HMGCS1: variants seen among roughly 807,000 people sequenced by gnomAD.
HMGCS1 encodes hydroxymethylglutaryl-CoA synthase, cytoplasmic.
HMGCS1 carries 9 observed loss-of-function variants against 52.3 expected under a neutral mutation model. The ratio of observed to expected loss-of-function variants is 0.17; its 90% CI spans 0.10 to 0.30. The LOEUF (loss-of-function observed/expected upper bound fraction) is 0.30, where lower values mean the gene tolerates loss of function less well. Ranked by LOEUF, HMGCS1 falls within the 10% of genes least tolerant of loss-of-function variation. The pLI, the probability that HMGCS1 is intolerant of heterozygous loss-of-function variation, is 1.00. For synonymous variants in HMGCS1, 176 were observed against 214.4 expected (o/e 0.82, Z 1.57); for missense variants, 320 against 620.9 (o/e 0.52, Z 5.15).
intron 8 of HMGCS1, chr5:43,293,726 T>C (rs1047784026): frequency 8.7e-5 from 15 of 172,992 alleles, no homozygotes; most frequent in Non-Finnish European, 1.7e-4. Flanking sequence ...TTTTTTTTTT[T>C]TTTTTTTGAC....
At position 43,294,723 on chromosome 5, in the gene HMGCS1, T is replaced by C; in HGVS notation, c.1044A>G (p.Ser348=). 1.2e-6 allele frequency: 2 copies of C among 1,611,792 alleles called. No individual in the cohort carries two copies. Among genetic ancestry groups the C allele is most frequent in the African/African-American group, 1.3e-5 (1 of 75,018 alleles). Residue 348 remains serine, a synonymous_variant, in exon 7 of 11, where the codon TCA becomes TCG. Coordinates refer to ENST00000325110, the MANE Select transcript of HMGCS1 (RefSeq NM_001098272.3). The part of the protein sequence containing the change: ...SNQNGNMYTS[S]VYGSLASVLA... ...GAACAGATGCAAGGGAACCATATAC[T>C]GAAGATGTGTACATATTTCCATTTT...
At chr5:43,303,927 T>G (rs1415444990) in intron 2 of HMGCS1, among the ~76,000 whole-genome samples, 1 of 152,240 alleles carries the variant, frequency 6.6e-6, no homozygotes, top group Admixed American at 6.5e-5. Context: ...ACAACTCAGA[T>G]GGAGGACTAC....
Position 43,292,650 on chromosome 5 carries a change from G to A in HMGCS1, c.1310-13C>T, listed in dbSNP as rs759059766. ...GGAATATAGTTGACTAAAGGAAAGGGAGAGAATATCTACAATTAGTTATGA... is the reference window on the plus strand; with the variant it reads ...GGAATATAGTTGACTAAAGGAAAGGAAGAGAATATCTACAATTAGTTATGA... On this transcript the variant is annotated splice_polypyrimidine_tract_variant and intron_variant, in intron 9 of 10. Transcript: ENST00000325110. The A allele has an allele frequency of 5.6e-6, 9 of 1,603,116 alleles. No individual in the cohort carries two copies. The South Asian group carries it at 9.9e-5, about 18-fold the overall frequency.
In HMGCS1 at chr5:43,291,236, A is replaced by T; in HGVS notation, c.1474-16T>A. 1 of 1,484,804 alleles carries T rather than the reference A, an allele frequency of 6.7e-7. No homozygotes were observed. Among genetic ancestry groups the T allele is most frequent in the Non-Finnish European group, 9.4e-7 (1 of 1,062,066 alleles). 92.0% of individuals were successfully genotyped at this position (1,484,804 alleles called of 1,614,324 possible). A position where few individuals can be genotyped will look rare whatever the true frequency, so the allele number is the denominator to read the frequency against. On this transcript the variant is annotated splice_polypyrimidine_tract_variant and intron_variant, in intron 10 of 10. Coordinates refer to ENST00000325110, the MANE Select transcript of HMGCS1 (RefSeq NM_001098272.3). ...TTGGAATATGCTAAAATGAAAGGAA[A>T]AAAGTTGATGGCTCTTATGATTCTT...
intron 1 of HMGCS1, among the ~76,000 whole-genome samples, chr5:43,309,793 AG>A (rs1206698127): frequency 6.6e-6 from 1 of 152,256 alleles, no homozygotes; most frequent in African/African-American, 2.4e-5. Flanking sequence ...GTAGCCAGGC[AG>A]GTTACCACAA....
chr5:43,312,099 C>G (rs750006922), intron 1 of HMGCS1, among the ~76,000 whole-genome samples: 15 of 152,170 alleles, frequency 9.9e-5, no homozygotes, highest in Non-Finnish European at 1.6e-4. Flanking sequence ...ACTACTGACA[C>G]GGATAATGTT....
chr5:43,294,596 A>C, intron 7 of HMGCS1, 95 bp downstream of exon 7: 1 of 892,598 alleles, frequency 1.1e-6, no homozygotes, highest in Non-Finnish European at 1.7e-6. Context: ...ATTTTCTGTG[A>C]TCTACCACCA....
At chr5:43,305,741 C>G (rs1306947042) in intron 2 of HMGCS1, among the ~76,000 whole-genome samples, 1 of 147,348 alleles carries the variant, frequency 6.8e-6, no homozygotes, top group East Asian at 2.0e-4. Context: ...AAGATCGTGC[C>G]ACTGCACTCC....
At chr5:43,310,588 C>G (rs1554020797) in intron 1 of HMGCS1, among the ~76,000 whole-genome samples, 2 of 152,156 alleles carry the variant, frequency 1.3e-5, no homozygotes, top group Non-Finnish European at 1.5e-5. Context: ...AGATTTAATA[C>G]TTGTAGCAGC....
At position 43,299,408 on chromosome 5, in the gene HMGCS1, G is replaced by C. The variant is rs560153733; in HGVS notation, c.-10-433C>G. Among the ~76,000 whole-genome samples the C allele has an allele frequency of 9.9e-5, 15 of 151,590 alleles. No homozygotes were observed. The East Asian group carries it at 1.9e-3, about 20-fold the overall frequency. Reference sequence around the variant, plus strand: ...CTCATGCCTGTAATCTCAGCACTTTGGGAGGCTGAGGCAGGCGGATCACAA... The same window carrying C: ...CTCATGCCTGTAATCTCAGCACTTTCGGAGGCTGAGGCAGGCGGATCACAA... On this transcript the variant is annotated intron_variant, in intron 2 of 10. Transcript: ENST00000325110.
intron 5 of HMGCS1, among the ~76,000 whole-genome samples, chr5:43,296,145 C>T (rs1754021575): frequency 1.3e-5 from 2 of 151,942 alleles, no homozygotes; most frequent in Non-Finnish European, 2.9e-5. Flanking sequence ...TACACATTAG[C>T]AGGTTACATA....
chr5:43,305,290 T>C (rs1327735860), intron 2 of HMGCS1, among the ~76,000 whole-genome samples: 4 of 152,096 alleles, frequency 2.6e-5, no homozygotes, highest in African/African-American at 9.7e-5. Context: ...CCAGCAAATG[T>C]TACTTTTAAC....
intron 1 of HMGCS1, 81 bp downstream of exon 1, chr5:43,313,275 A>AGGACACCGCCTCTGTCTGGC (rs1754970711): frequency 1.3e-5 from 2 of 152,736 alleles, no homozygotes; most frequent in Non-Finnish European, 2.9e-5. Flanking sequence ...GGCCTAGTCA[A>AGGACACCGCCTCTGTCTGGC]GGACACCGCC....
chr5:43,313,153 G>A (rs995932961), intron 1 of HMGCS1: 1 of 152,422 alleles, frequency 6.6e-6, no homozygotes, highest in African/African-American at 2.4e-5. Context: ...GATCCGCTAC[G>A]GTCGGCCTCA....
At chr5:43,303,760 C>G (rs1041971382) in intron 2 of HMGCS1, among the ~76,000 whole-genome samples, 1 of 152,098 alleles carries the variant, frequency 6.6e-6, no homozygotes, top group African/African-American at 2.4e-5. Flanking sequence ...TTTTTGTATT[C>G]AATACAGGAA....
In HMGCS1 at chr5:43,294,047, A is replaced by G. The variant is rs549108312; in HGVS notation, c.1183+9T>C. On this transcript the variant is annotated intron_variant, in intron 8 of 10. Transcript: ENST00000325110. ...TCAATACATTCTTGTTGAAAGATTCAGCACTTACCCGGTGTAGCATCTTGT... is the reference window on the plus strand; with the variant it reads ...TCAATACATTCTTGTTGAAAGATTCGGCACTTACCCGGTGTAGCATCTTGT... The G allele has an allele frequency of 5.9e-6, 9 of 1,527,670 alleles. No individual in the cohort carries two copies. The South Asian group carries it at 1.0e-4, about 17-fold the overall frequency. The allele number at this position is 1,527,670 out of a possible 1,614,324, so 94.6% of individuals were successfully genotyped here.
rs758366930 is a variant in HMGCS1, at chr5:43,298,548, C to G, written c.418G>C (p.Val140Leu). ...YGGTAAVFNA[V>L]NWIESSSWDG... is the part of the protein sequence containing the mutation. ...CAAGAGCTGGACTCAATCCAGTTAA[C>G]AGCATTGAAGACAGCAGCTGTGCCT... The change falls in exon 3 of 11, where the codon GTT becomes CTT. Residue 140 changes from valine (V) to leucine (L), a missense_variant. Physicochemically the swap from Val to Leu is conservative, Grantham distance 32. Coordinates refer to ENST00000325110, the MANE Select transcript of HMGCS1 (RefSeq NM_001098272.3). The surrounding 1 kb of genome is among the most constrained non-coding windows in gnomAD (Gnocchi z 5.6). 6.2e-7 allele frequency: 1 copy of G among 1,613,486 alleles called. No homozygotes were observed. Among genetic ancestry groups the G allele is most frequent in the African/African-American group, 1.3e-5 (1 of 74,924 alleles).
intron 2 of HMGCS1, among the ~76,000 whole-genome samples, chr5:43,300,931 C>G (rs893414381): frequency 6.6e-6 from 1 of 151,612 alleles, no homozygotes; most frequent in African/African-American, 2.4e-5. Flanking sequence ...ATTAGGGATG[C>G]TTAATGGGAG....
At position 43,298,934 on chromosome 5, in the gene HMGCS1, G is replaced by A; in HGVS notation, c.32C>T (p.Ala11Val). Residue 11 changes from alanine (A) to valine (V), a missense_variant, in exon 3 of 11, where the codon GCT (alanine) becomes GTT (valine). Ala to Val is a moderately conservative substitution (Grantham distance 64). This residue lies in a region of HMGCS1 where 22 missense variants were observed against 23.5 expected (regional missense o/e 0.94). Coordinates refer to ENST00000325110, the MANE Select transcript of HMGCS1 (RefSeq NM_001098272.3). The surrounding 1 kb of genome is among the most constrained non-coding windows in gnomAD (Gnocchi z 5.6). ...AATTCCCACATCTTTTGGCCAGCAA[G>A]CTTCTGCATTCAAAGGAAGTGATCC... The part of the protein sequence containing the change: MPGSLPLNAE[A>V]CWPKDVGIVA... The A allele has an allele frequency of 6.2e-7, 1 of 1,613,690 alleles. No individual in the cohort carries two copies. Among genetic ancestry groups the A allele is most frequent in the Non-Finnish European group, 8.5e-7 (1 of 1,179,840 alleles).
Sources: allele counts gnomAD v4.1 joint callset (sites outside exome capture counted in the v4.1 genomes callset), GRCh38; gene constraint gnomAD v4.1.1; regional missense constraint gnomAD v4.1.1; non-coding constraint Gnocchi (gnomAD v3.1); transcripts MANE v1.5; gene names NCBI Gene and HGNC (gene_info 2026-07-23, HGNC 2026-07-21).